PLAC8L1: variants seen among roughly 807,000 people sequenced by gnomAD.
PLAC8L1 encodes PLAC8 like 1.
In PLAC8L1, 13 loss-of-function variants were observed where a neutral mutation model predicts 16.3. That is an observed-to-expected ratio of 0.80 (90% CI 0.52 to 1.27). The LOEUF is 1.27. Among genes scored for constraint, PLAC8L1 ranks in the 50% most tolerant of loss-of-function variants. PLAC8L1 has a pLI of 0.00. For synonymous variants in PLAC8L1, 78 were observed against 79.3 expected (o/e 0.98, Z 0.09); for missense variants, 184 against 220.2 (o/e 0.84, Z 1.04).
chr5:146,100,045 G>A (rs755052079), intron 1 of PLAC8L1, among the ~76,000 whole-genome samples: 1 of 152,160 alleles, frequency 6.6e-6, no homozygotes, highest in Non-Finnish European at 1.5e-5. Context: ...ATTAAAACAA[G>A]CCTTTCAGGT....
At chr5:146,088,231 G>A (rs963935712) in intron 2 of PLAC8L1, among the ~76,000 whole-genome samples, 3 of 152,140 alleles carry the variant, frequency 2.0e-5, no homozygotes, top group East Asian at 3.9e-4. Flanking sequence ...CAAAGTACTG[G>A]GATTACAAGC....
intron 2 of PLAC8L1, among the ~76,000 whole-genome samples, chr5:146,093,204 C>T (rs1037964848): frequency 8.6e-5 from 13 of 151,712 alleles, no homozygotes; most frequent in African/African-American, 2.4e-4. Flanking sequence ...TTTTAGATTT[C>T]TATATCTGTA....
intron 1 of PLAC8L1, among the ~76,000 whole-genome samples, chr5:146,101,196 C>CAA (rs35143616): frequency 0.053 from 4,364 of 81,854 alleles, 175 homozygotes; most frequent in African/African-American, 0.089. Context: ...GACCCTGTCT[C>CAA]AAAAAAAAAA....
At position 146,085,457 on chromosome 5, in the gene PLAC8L1, T is replaced by C. The variant is rs1287870908; in HGVS notation, c.393+4A>G. 13 of 1,613,782 alleles carry C rather than the reference T, an allele frequency of 8.1e-6. No homozygotes were observed. Among genetic ancestry groups the C allele is most frequent in the Non-Finnish European group, 1.0e-5 (12 of 1,179,870 alleles). On this transcript the variant is annotated splice_donor_region_variant and intron_variant, in intron 3 of 3. Coordinates refer to ENST00000311450, the MANE Select transcript of PLAC8L1 (RefSeq NM_001029869.3). ...GGTTCACGTATACCTTCAAACACAC[T>C]TACCTGTATTTTATGTCTCTCCCTG...
At chr5:146,093,529 C>G (rs574220235) in intron 2 of PLAC8L1, among the ~76,000 whole-genome samples, 1 of 152,298 alleles carries the variant, frequency 6.6e-6, no homozygotes, top group Non-Finnish European at 1.5e-5. Context: ...CGCAATATCC[C>G]TTCTAACTCT....
At chr5:146,098,131 A>G in intron 2 of PLAC8L1, 25 bp downstream of exon 2, 2 of 1,599,088 alleles carry the variant, frequency 1.3e-6, no homozygotes, top group Non-Finnish European at 1.7e-6. Flanking sequence ...GTAAGGAGGA[A>G]CTTAAATAAG....
chr5:146,101,594 A>G (rs1235210732), intron 1 of PLAC8L1, among the ~76,000 whole-genome samples: 2 of 152,184 alleles, frequency 1.3e-5, no homozygotes, highest in Admixed American at 1.3e-4. Context: ...TGGGTGCATG[A>G]TAAGTATTTC....
intron 1 of PLAC8L1, among the ~76,000 whole-genome samples, chr5:146,103,255 G>T (rs1185829398): frequency 1.3e-5 from 2 of 152,150 alleles, no homozygotes; most frequent in Non-Finnish European, 2.9e-5. Context: ...TGCCTCCAGG[G>T]TTCAACCAAT....
At chr5:146,093,332 T>C (rs1009039781) in intron 2 of PLAC8L1, among the ~76,000 whole-genome samples, 10 of 152,178 alleles carry the variant, frequency 6.6e-5, no homozygotes, top group African/African-American at 2.4e-4. Flanking sequence ...AAAAGGTAGG[T>C]ACTTTTGAAT....
At chr5:146,094,058 T>A (rs1290790340) in intron 2 of PLAC8L1, among the ~76,000 whole-genome samples, 3 of 152,156 alleles carry the variant, frequency 2.0e-5, no homozygotes, top group Admixed American at 6.6e-5. Context: ...GTTTATAGAT[T>A]TTTGTTGTTG....
At chr5:146,095,750 A>G (rs981018498) in intron 2 of PLAC8L1, among the ~76,000 whole-genome samples, 1 of 152,216 alleles carries the variant, frequency 6.6e-6, no homozygotes, top group Non-Finnish European at 1.5e-5. Flanking sequence ...CTGGTCAAGA[A>G]GTAGGCACAT....
At chr5:146,102,569 T>C (rs1763838460) in intron 1 of PLAC8L1, among the ~76,000 whole-genome samples, 1 of 152,176 alleles carries the variant, frequency 6.6e-6, no homozygotes, top group South Asian at 2.1e-4. Context: ...TTCTACATAT[T>C]ACGCCCAGGG....
At chr5:146,087,214 G>A (rs1763531847) in intron 2 of PLAC8L1, among the ~76,000 whole-genome samples, 1 of 151,984 alleles carries the variant, frequency 6.6e-6, no homozygotes. Flanking sequence ...TCTTTTTTTA[G>A]AGTTGAGCCA....
chr5:146,093,291 G>A (rs1763653151), intron 2 of PLAC8L1, among the ~76,000 whole-genome samples: 1 of 152,184 alleles, frequency 6.6e-6, no homozygotes, highest in Admixed American at 6.5e-5. Context: ...TAGAGAGCAA[G>A]GATGGAGTAC....
chr5:146,094,199 C>T (rs1035400072), intron 2 of PLAC8L1, among the ~76,000 whole-genome samples: 1 of 152,186 alleles, frequency 6.6e-6, no homozygotes, highest in African/African-American at 2.4e-5. Flanking sequence ...TCTCCTGCCT[C>T]AGCCTCCGGT....
intron 2 of PLAC8L1, 100 bp from the exon 3 acceptor site, chr5:146,085,697 T>C: frequency 7.8e-7 from 1 of 1,274,802 alleles, no homozygotes; most frequent in Non-Finnish European, 1.1e-6. Flanking sequence ...AGTTTAATGC[T>C]GCACTGTCTC....
intron 1 of PLAC8L1, among the ~76,000 whole-genome samples, chr5:146,098,623 G>T (rs1241410087): frequency 6.6e-6 from 1 of 152,196 alleles, no homozygotes; most frequent in Non-Finnish European, 1.5e-5. Flanking sequence ...ATTCCTGGAG[G>T]CTTGACCTTG....
intron 2 of PLAC8L1, 37 bp downstream of exon 2, chr5:146,098,119 T>G: frequency 6.3e-7 from 1 of 1,581,572 alleles, no homozygotes; most frequent in Non-Finnish European, 8.6e-7. Flanking sequence ...GAAAAGAAAA[T>G]AGTAAGGAGG....
At chr5:146,099,605 G>C (rs1763775794) in intron 1 of PLAC8L1, among the ~76,000 whole-genome samples, 1 of 147,630 alleles carries the variant, frequency 6.8e-6, no homozygotes. Context: ...GTTGCAGCGA[G>C]CTGAGATCAC....
Sources: allele counts gnomAD v4.1 joint callset (sites outside exome capture counted in the v4.1 genomes callset), GRCh38; gene constraint gnomAD v4.1.1; transcripts MANE v1.5; gene names NCBI Gene and HGNC (gene_info 2026-07-23, HGNC 2026-07-21).